Variants in MRTFB observed in about 807,000 individuals in gnomAD.
MRTFB encodes the protein myocardin related transcription factor B.
Under a neutral mutation model 104.2 loss-of-function variants are expected in MRTFB, and 29 were observed. The ratio of observed to expected loss-of-function variants is 0.28; its 90% CI spans 0.21 to 0.38. The LOEUF (loss-of-function observed/expected upper bound fraction) is 0.38, where lower values mean the gene tolerates loss of function less well. Ranked by LOEUF, MRTFB falls within the 10% of genes least tolerant of loss-of-function variation. MRTFB has a pLI of 1.00. For missense variants in MRTFB, 1,270 were observed against 1,341.6 expected (o/e 0.95, Z 0.83); for synonymous variants, 535 against 519.5 (o/e 1.03, Z -0.41).
intron 2 of MRTFB, among the ~76,000 whole-genome samples, chr16:14,107,180 G>T (rs1270426592): frequency 6.6e-6 from 1 of 152,234 alleles, no homozygotes; most frequent in Non-Finnish European, 1.5e-5. Context: ...AGATTACAGT[G>T]AGCCGAGACC....
intron 6 of MRTFB, among the ~76,000 whole-genome samples, chr16:14,215,671 C>A (rs2041386698): frequency 6.6e-6 from 1 of 152,188 alleles, no homozygotes; most frequent in African/African-American, 2.4e-5. Context: ...CCCCAAGTAT[C>A]ATCTTGTATG....
intron 8 of MRTFB, among the ~76,000 whole-genome samples, chr16:14,232,803 C>A (rs7205948): frequency 0.11 from 16,066 of 152,210 alleles, 1,820 homozygotes; most frequent in African/African-American, 0.28. Flanking sequence ...CTTCATATTT[C>A]ATGCTGCTAA....
rs753563117 is a variant in MRTFB at position 14,247,155 on chromosome 16, G to A, written c.1895G>A (p.Gly632Asp). The A allele has an allele frequency of 5.0e-6, 8 of 1,614,016 alleles. No individual in the cohort carries two copies. Among genetic ancestry groups the A allele is most frequent in the South Asian group, 1.1e-5 (1 of 91,088 alleles). Reference sequence around the variant, plus strand: ...TCTGTCAAGTCAGATCAGAAGCACGGCAGCCTTGGCTCCTCCATCAAAGAT... The same window carrying A: ...TCTGTCAAGTCAGATCAGAAGCACGACAGCCTTGGCTCCTCCATCAAAGAT... Reference protein sequence around the residue: ...GHSVKSDQKHGSLGSSIKDEA... With the variant: ...GHSVKSDQKHDSLGSSIKDEA... The change falls in exon 12 of 17, where the codon GGC becomes GAC. Residue 632 changes from glycine to aspartate, a missense_variant. Transcript: ENST00000571589.
At position 14,261,451 on chromosome 16, in the gene MRTFB, A is replaced by G. The variant is rs1342759044; in HGVS notation, c.*7A>G. 6.4e-7 allele frequency: 1 copy of G among 1,574,176 alleles called. No individual in the cohort carries two copies. The highest frequency in any genetic ancestry group is 8.6e-7 in the Non-Finnish European group (1 of 1,157,648). ...ACCGCTGCCATGGGACTAACGTCACAGATTTCTTTTCTGAGAGTTGATGAG... is the reference window on the plus strand; with the variant it reads ...ACCGCTGCCATGGGACTAACGTCACGGATTTCTTTTCTGAGAGTTGATGAG... On this transcript the variant is annotated 3_prime_UTR_variant, in exon 17 of 17. Coordinates refer to ENST00000571589, the MANE Select transcript of MRTFB (RefSeq NM_001308142.2).
chr16:14,254,456 G>C (rs984530579), intron 15 of MRTFB, among the ~76,000 whole-genome samples: 15 of 152,184 alleles, frequency 9.9e-5, no homozygotes, highest in African/African-American at 3.6e-4. Context: ...GGTTACTGGA[G>C]AAAAGCCATA....
chr16:14,070,922 AC>A (rs1283315563), upstream of MRTFB, among the ~76,000 whole-genome samples: 2 of 152,126 alleles, frequency 1.3e-5, no homozygotes, highest in Admixed American at 1.3e-4. Flanking sequence ...GGCTGGTAAT[AC>A]CCACTTTGGA....
intron 8 of MRTFB, among the ~76,000 whole-genome samples, chr16:14,228,804 AT>A (rs56770670): frequency 0.88 from 133,509 of 152,176 alleles, 59,502 homozygotes; most frequent in Non-Finnish European, 0.97. Flanking sequence ...GTTCAATGAA[AT>A]TCAGCCAGTC....
At position 14,140,746 on chromosome 16, in the gene MRTFB, A is replaced by C; in HGVS notation, c.140A>C (p.Asn47Thr). 1 of 1,614,138 alleles carries C rather than the reference A, an allele frequency of 6.2e-7. No homozygotes were observed. The highest frequency in any genetic ancestry group is 8.5e-7 in the Non-Finnish European group (1 of 1,180,020). The change falls in exon 3 of 17, where the codon AAC (asparagine) becomes ACC (threonine). Residue 47 changes from asparagine to threonine, a missense_variant. Physicochemically the swap from Asn to Thr is moderately conservative, Grantham distance 65. Transcript: ENST00000571589. ...TCCAGTCAAAACTTACCCCCTCTGA[A>C]CGAAAGGAAAAATGGTGAGTTCAGC... is the stretch of plus-strand genomic sequence containing the variant. ...LQSSQNLPPL[N>T]ERKNVLQLRL... is the part of the protein sequence containing the mutation.
At chr16:14,029,506 C>CAT in the MRTFB span, among the ~76,000 whole-genome samples, 9 of 108,958 alleles carry the variant, frequency 8.3e-5, no homozygotes, top group South Asian at 5.6e-4. Flanking sequence ...TATATATACA[C>CAT]ATATATATAC....
chr16:14,202,163 A>G (rs555998826), intron 3 of MRTFB, among the ~76,000 whole-genome samples: 1 of 152,038 alleles, frequency 6.6e-6, no homozygotes, highest in African/African-American at 2.4e-5. Context: ...TCTTTAAGCA[A>G]ATTACCAAAC....
chr16:14,248,944 A>C lies in MRTFB; in HGVS notation c.2266A>C (p.Met756Leu). 6.2e-7 allele frequency: 1 copy of C among 1,614,086 alleles called. No homozygotes were observed. The highest frequency in any genetic ancestry group is 8.5e-7 in the Non-Finnish European group (1 of 1,179,998). ...LKLQTSPQAG[M>L]QTQPQIATAA... is the part of the protein sequence containing the mutation. ...CTCCTAGACTTCACCACAAGCAGGA[A>C]TGCAGACTCAGCCTCAGATAGCAAC... The change falls in exon 13 of 17, where the codon ATG becomes CTG. Residue 756 changes from methionine to leucine, a missense_variant. By Grantham distance (15) the Met-to-Leu change is conservative (BLOSUM62 2). Around this residue, in one of 3 missense-constraint regions of MRTFB, gnomAD observed 1,144 missense variants for 1,131.5 expected, o/e 1.01. Transcript: ENST00000571589.
intron 2 of MRTFB, among the ~76,000 whole-genome samples, chr16:14,081,625 G>A (rs545335403): frequency 3.3e-5 from 5 of 151,944 alleles, no homozygotes; most frequent in African/African-American, 9.7e-5. Context: ...TGTCTACCAG[G>A]CTAGAGTGCA....
the MRTFB span, among the ~76,000 whole-genome samples, chr16:14,061,353 A>G: frequency 2.6e-5 from 4 of 152,160 alleles, no homozygotes; most frequent in Admixed American, 2.6e-4. Context: ...ACCTCACCCA[A>G]GTGGAAAAGG....
the MRTFB span, among the ~76,000 whole-genome samples, chr16:14,037,451 G>T: frequency 2.0e-5 from 3 of 152,216 alleles, no homozygotes; most frequent in Admixed American, 6.5e-5. Context: ...AGCTGGACAT[G>T]TGGGTGGGGG....
intron 1 of MRTFB, among the ~76,000 whole-genome samples, chr16:14,076,259 T>C (rs1034100653): frequency 6.6e-6 from 1 of 152,124 alleles, no homozygotes. Flanking sequence ...TGGCACCATC[T>C]CAGCTCACTG....
chr16:14,030,265 G>T, the MRTFB span, among the ~76,000 whole-genome samples: 1 of 152,150 alleles, frequency 6.6e-6, no homozygotes, highest in Non-Finnish European at 1.5e-5. Context: ...GTTAGCAACA[G>T]CCCTTTGCAC....
At chr16:14,197,218 C>T (rs1216568730) in intron 3 of MRTFB, among the ~76,000 whole-genome samples, 2 of 152,054 alleles carry the variant, frequency 1.3e-5, no homozygotes, top group Admixed American at 1.3e-4. Context: ...AAGTGATCCG[C>T]CTGCCTAAGC....
intron 2 of MRTFB, among the ~76,000 whole-genome samples, chr16:14,108,965 A>G (rs770720692): frequency 1.3e-5 from 2 of 152,222 alleles, no homozygotes; most frequent in Non-Finnish European, 2.9e-5. Flanking sequence ...CGAAAATTGT[A>G]TAATCCATTT....
intron 2 of MRTFB, 74 bp from the exon 3 acceptor site, chr16:14,140,470 C>G: frequency 9.3e-7 from 1 of 1,076,838 alleles, no homozygotes; most frequent in South Asian, 1.6e-5. Context: ...ACCCAGGATT[C>G]CCGTTTTAAT....
Sources: allele counts gnomAD v4.1 joint callset (sites outside exome capture counted in the v4.1 genomes callset), GRCh38; gene constraint gnomAD v4.1.1; regional missense constraint gnomAD v4.1.1; transcripts MANE v1.5; gene names NCBI Gene and HGNC (gene_info 2026-07-23, HGNC 2026-07-21).